Variants in ATP13A3 observed in about 807,000 individuals in gnomAD.
ATP13A3 encodes ATPase 13A3.
A neutral mutation model predicts 158.1 loss-of-function variants in ATP13A3; 59 were observed. The ratio of observed to expected loss-of-function variants is 0.37; its 90% CI spans 0.30 to 0.46. ATP13A3 has a LOEUF of 0.46. Ranked by LOEUF, ATP13A3 falls within the 20% of genes least tolerant of loss-of-function variation. The pLI is 1.00. For synonymous variants in ATP13A3, 491 were observed against 504.3 expected (o/e 0.97, Z 0.35); for missense variants, 1,166 against 1,525.2 (o/e 0.76, Z 3.92).
intron 30 of ATP13A3, chr3:194,424,305 A>C (rs1716604398): frequency 6.6e-6 from 1 of 151,868 alleles, no homozygotes; most frequent in Non-Finnish European, 1.5e-5. Context: ...ACAATAAATA[A>C]GTAATAATAT....
chr3:194,451,584 G>C (rs903531304), intron 10 of ATP13A3: 1 of 152,228 alleles, frequency 6.6e-6, no homozygotes, highest in Non-Finnish European at 1.5e-5. Context: ...TTCCTAGCTA[G>C]AGTAGCAAGT....
intron 30 of ATP13A3, among the ~76,000 whole-genome samples, chr3:194,422,771 T>C (rs1213187672): frequency 2.0e-5 from 3 of 151,830 alleles, no homozygotes; most frequent in Non-Finnish European, 4.4e-5. Context: ...TACCCCAATA[T>C]ATATCTCTTT....
Position 194,427,105 on chromosome 3 carries a change from G to C in ATP13A3, c.3095C>G (p.Pro1032Arg). ...TTTTGGATGCCACACTTCATACCAA[G>C]GTTGCTGTTTGACCCAAAAAAAACC... is the stretch of plus-strand genomic sequence containing the variant. ...SLGFFWVKQQ[P>R]WYEVWHPKSD... The change falls in exon 29 of 34, where the codon CCT becomes CGT. Residue 1032 changes from proline (P) to arginine (R), a missense_variant. By Grantham distance (103) the Pro-to-Arg change is moderately radical. Coordinates refer to ENST00000645319, the MANE Select transcript of ATP13A3 (RefSeq NM_001367549.1). 1 of 1,613,200 alleles carries C rather than the reference G, an allele frequency of 6.2e-7. No individual in the cohort carries two copies. The highest frequency in any genetic ancestry group is 8.5e-7 in the Non-Finnish European group (1 of 1,179,872).
At chr3:194,466,608 T>C (rs146807778) in intron 2 of ATP13A3, among the ~76,000 whole-genome samples, 2 of 152,324 alleles carry the variant, frequency 1.3e-5, no homozygotes, top group Non-Finnish European at 2.9e-5. Context: ...GCTGAGTGAA[T>C]GGATACATGA....
At chr3:194,421,369 C>T (rs1337999953) in intron 30 of ATP13A3, among the ~76,000 whole-genome samples, 3 of 148,066 alleles carry the variant, frequency 2.0e-5, no homozygotes, top group Admixed American at 6.8e-5. Context: ...CTGGCTAACA[C>T]GGTGAAACCC....
intron 33 of ATP13A3, among the ~76,000 whole-genome samples, chr3:194,406,779 C>T (rs1272579099): frequency 6.6e-6 from 1 of 152,086 alleles, no homozygotes; most frequent in Non-Finnish European, 1.5e-5. Context: ...AAGTAAATAT[C>T]GTTTGGTCAA....
intron 22 of ATP13A3, among the ~76,000 whole-genome samples, 162 bp from the exon 23 acceptor site, chr3:194,431,388 A>G (rs1202830689): frequency 6.6e-6 from 1 of 152,254 alleles, no homozygotes; most frequent in East Asian, 1.9e-4. Flanking sequence ...ACTCAATTAA[A>G]TATCAGCTTC....
chr3:194,458,559 T>C (rs1054382412), intron 6 of ATP13A3, among the ~76,000 whole-genome samples: 1 of 152,100 alleles, frequency 6.6e-6, no homozygotes, highest in Non-Finnish European at 1.5e-5. Context: ...TAATTTTTTT[T>C]GTATTTTTAG....
intron 26 of ATP13A3, 62 bp downstream of exon 26, chr3:194,430,010 T>G: frequency 1.4e-6 from 2 of 1,385,034 alleles, no homozygotes; most frequent in Non-Finnish European, 2.0e-6. Context: ...TTATGATAAT[T>G]TTCTCTTCTG....
chr3:194,458,421 C>T (rs1004628319), intron 6 of ATP13A3, among the ~76,000 whole-genome samples: 2 of 152,014 alleles, frequency 1.3e-5, no homozygotes, highest in African/African-American at 4.8e-5. Flanking sequence ...CGCAGTTTCG[C>T]TCTTTGGCCC....
intron 20 of ATP13A3, among the ~76,000 whole-genome samples, chr3:194,436,811 T>C (rs1717672770): frequency 6.6e-6 from 1 of 151,954 alleles, no homozygotes; most frequent in African/African-American, 2.4e-5. Context: ...CTTGCGCCAC[T>C]GCGCTTGAAC....
chr3:194,459,584 A>ACTTGTGATATATG (rs1719489091), intron 5 of ATP13A3, 43 bp from the exon 6 acceptor site: 2 of 1,475,250 alleles, frequency 1.4e-6, no homozygotes, highest in Non-Finnish European at 1.9e-6. Flanking sequence ...GCATATAATC[A>ACTTGTGATATATG]CTTGTGATAT....
chr3:194,462,704 G>A (rs982664038), intron 2 of ATP13A3, among the ~76,000 whole-genome samples: 5 of 152,140 alleles, frequency 3.3e-5, no homozygotes, highest in African/African-American at 1.2e-4. Flanking sequence ...TTCCAAAGTA[G>A]TGATGTATTC....
In ATP13A3 at chr3:194,457,134, T is replaced by G; in HGVS notation, c.520A>C (p.Lys174Gln). The G allele has an allele frequency of 6.2e-7, 1 of 1,613,620 alleles. No individual in the cohort carries two copies. Among genetic ancestry groups the G allele is most frequent in the Non-Finnish European group, 8.5e-7 (1 of 1,179,714 alleles). ...EGVSCTSIYE[K>Q]HSAGLTKGMH... ...CCCTTTGTCAGTCCTGCACTATGCTTTTCATAAATTGACGTACAAGAAACA... is the reference window on the plus strand; with the variant it reads ...CCCTTTGTCAGTCCTGCACTATGCTGTTCATAAATTGACGTACAAGAAACA... The change falls in exon 7 of 34, where the codon AAG (lysine) becomes CAG (glutamine). Residue 174 changes from lysine to glutamine, a missense_variant. Physicochemically the swap from Lys to Gln is moderately conservative, Grantham distance 53. Around this residue, in one of 3 missense-constraint regions of ATP13A3, gnomAD observed 997 missense variants for 1,341.2 expected, o/e 0.74. Transcript: ENST00000645319.
chr3:194,414,711 C>T (rs1257265064), intron 31 of ATP13A3, among the ~76,000 whole-genome samples: 2 of 152,108 alleles, frequency 1.3e-5, no homozygotes, highest in Non-Finnish European at 2.9e-5. Context: ...TAAATAGACA[C>T]ACACGCATGT....
Position 194,413,836 on chromosome 3 carries a change from C to T in ATP13A3, c.3406G>A (p.Val1136Met). ...VASVDQVLQI[V>M]CVPYQWRVTM... ...ACACGCCACTGATATGGTACACACA[C>T]TATCTGTAATGCAAAAACATTTTAA... The change falls in exon 32 of 34, where the codon GTG becomes ATG. Residue 1136 changes from valine to methionine, a missense_variant. Val to Met is a conservative substitution (Grantham distance 21). This residue lies in a region of ATP13A3 where 997 missense variants were observed against 1,341.2 expected (regional missense o/e 0.74). Coordinates refer to ENST00000645319, the MANE Select transcript of ATP13A3 (RefSeq NM_001367549.1). The T allele has an allele frequency of 1.2e-6, 2 of 1,612,156 alleles. No individual in the cohort carries two copies. The highest frequency in any genetic ancestry group is 1.7e-6 in the Non-Finnish European group (2 of 1,178,312).
intron 14 of ATP13A3, among the ~76,000 whole-genome samples, chr3:194,445,874 A>G (rs1390313404): frequency 6.6e-6 from 1 of 152,218 alleles, no homozygotes; most frequent in Non-Finnish European, 1.5e-5. Flanking sequence ...GAGGCAAGAT[A>G]TACTTCACAC....
Position 194,439,186 on chromosome 3 carries a change from C to A in ATP13A3, c.1711-214G>T, listed in dbSNP as rs551898127. 2.0e-5 allele frequency among the ~76,000 whole-genome samples: 3 copies of A among 152,252 alleles called. No individual in the cohort carries two copies. In the East Asian group the frequency reaches 5.8e-4, roughly 29 times the overall value. On this transcript the variant is annotated intron_variant, in intron 16 of 33. Transcript: ENST00000645319. ...AGATGGTGAGTTAGATACCTAGCAA[C>A]CCATGGGAGAAGGGTTGCTTCATTC...
intron 6 of ATP13A3, among the ~76,000 whole-genome samples, chr3:194,457,689 A>C (rs1282662782): frequency 6.6e-6 from 1 of 152,212 alleles, no homozygotes; most frequent in Non-Finnish European, 1.5e-5. Flanking sequence ...TTTGAAGTGC[A>C]GAATTTATGA....
Sources: gnomAD v4.1 joint callset for allele counts (sites outside exome capture counted in the v4.1 genomes callset) on GRCh38, gnomAD v4.1.1 for gene constraint, gnomAD v4.1.1 regional missense constraint, MANE v1.5 for transcripts, NCBI Gene and HGNC (gene_info 2026-07-23, HGNC 2026-07-21) for gene names.